Variants in DOC2B observed in about 807,000 individuals in gnomAD.
DOC2B encodes double C2 domain beta, also known as double C2-like domain-containing protein beta.
In DOC2B, 21 loss-of-function variants were observed where a neutral mutation model predicts 28.9. That is an observed-to-expected ratio of 0.73 (90% confidence interval 0.52 to 1.05). The LOEUF is 1.05. DOC2B is among the 50% of genes least tolerant of loss of function. The probability of loss-of-function intolerance (pLI) is 0.00; values close to 1 mark genes in which losing one functional copy is unlikely to be tolerated. For synonymous variants in DOC2B, 194 were observed against 178.1 expected (o/e 1.09, Z -0.71); for missense variants, 384 against 421.1 (o/e 0.91, Z 0.77).
intron 5 of DOC2B, 52 bp downstream of exon 5, chr17:161,363 A>G: frequency 6.5e-7 from 1 of 1,537,090 alleles, no homozygotes; most frequent in Non-Finnish European, 8.8e-7. Flanking sequence ...CTGCCTTCCC[A>G]GCACCTGCCA....
rs2040061632 is a variant in DOC2B at position 150,509 on chromosome 17, TGC to T, written c.924-1319_924-1318del. On this transcript the variant is annotated intron_variant, in intron 6 of 8. Coordinates refer to ENST00000613549, the MANE Select transcript of DOC2B (RefSeq NM_003585.5). Reference sequence around the variant, plus strand: ...GAAAGGCTGCATGGTTGACACACAGTGCCTGCGACAAAGCTGAATGCTATCAT... The same window carrying T: ...GAAAGGCTGCATGGTTGACACACAGTCTGCGACAAAGCTGAATGCTATCAT... Among the ~76,000 whole-genome samples the T allele has an allele frequency of 1.1e-4, 17 of 152,086 alleles. No individual in the cohort carries two copies. In the South Asian group the frequency reaches 3.5e-3, roughly 32 times the overall value.
intron 6 of DOC2B, among the ~76,000 whole-genome samples, chr17:152,484 C>T (rs1597815980): frequency 6.6e-6 from 1 of 152,218 alleles, no homozygotes; most frequent in Non-Finnish European, 1.5e-5. Flanking sequence ...AATAATGGTG[C>T]TAGCTGGGCA....
chr17:165,844 G>C (rs940905710), intron 2 of DOC2B, among the ~76,000 whole-genome samples: 4 of 152,376 alleles, frequency 2.6e-5, no homozygotes, highest in African/African-American at 9.6e-5. Context: ...TGACCAGGCG[G>C]TGCCTGACTG....
chr17:158,500 C>T (rs1026487599), intron 5 of DOC2B, among the ~76,000 whole-genome samples: 4 of 152,210 alleles, frequency 2.6e-5, no homozygotes, highest in Admixed American at 1.3e-4. Flanking sequence ...GGAAGACATA[C>T]ATGCCCCACC....
chr17:179,387 T>G (rs1555524946), intron 1 of DOC2B, among the ~76,000 whole-genome samples: 1 of 93,496 alleles, frequency 1.1e-5, no homozygotes, highest in Non-Finnish European at 2.2e-5. Flanking sequence ...GCTTTGTGGG[T>G]TCAGAGACAG....
chr17:165,556 G>A (rs190157677), intron 2 of DOC2B, among the ~76,000 whole-genome samples: 7 of 152,196 alleles, frequency 4.6e-5, no homozygotes, highest in Admixed American at 2.0e-4. Context: ...TGAGAGGGAG[G>A]GAGACTGTGT....
intron 7 of DOC2B, 29 bp downstream of exon 7, chr17:149,082 C>CTTCATT (rs2040045388): frequency 2.5e-6 from 1 of 398,926 alleles, no homozygotes; most frequent in African/African-American, 2.1e-5. Context: ...GAGGAATGGC[C>CTTCATT]TTCATGAAGC....
At chr17:173,304 T>C (rs375255880) in intron 1 of DOC2B, among the ~76,000 whole-genome samples, 5 of 152,230 alleles carry the variant, frequency 3.3e-5, no homozygotes, top group Admixed American at 6.5e-5. Context: ...ATAGCAGCTG[T>C]GGCTTTCCAT....
intron 5 of DOC2B, among the ~76,000 whole-genome samples, chr17:158,271 C>A (rs184940651): frequency 1.3e-5 from 2 of 152,110 alleles, no homozygotes; most frequent in Admixed American, 6.5e-5. Context: ...TCAGCCCCCC[C>A]AGACAAACCC....
intron 1 of DOC2B, 148 bp downstream of exon 1, chr17:180,959 C>G: frequency 1.6e-6 from 1 of 635,596 alleles, no homozygotes; most frequent in Non-Finnish European, 2.2e-6. Flanking sequence ...ACCGAGTGCG[C>G]CAGGGGCCCG....
At position 179,021 on chromosome 17, in the gene DOC2B, C is replaced by T. The variant is rs530633682; in HGVS notation, c.373+2086G>A. Among the ~76,000 whole-genome samples the T allele has an allele frequency of 2.1e-3, 313 of 152,356 alleles. 2 individuals carry two copies. The highest frequency in any genetic ancestry group is 7.3e-3 in the African/African-American group (303 of 41,588). ...CTTCTGGGCCTAGGATGTTTGTCAG[C>T]CTCCCATAGGATCCAAGCCTAGGGT... On this transcript the variant is annotated intron_variant, in intron 1 of 8. Coordinates refer to ENST00000613549, the MANE Select transcript of DOC2B (RefSeq NM_003585.5).
At chr17:158,855 G>A (rs547586011) in intron 5 of DOC2B, among the ~76,000 whole-genome samples, 1 of 152,190 alleles carries the variant, frequency 6.6e-6, no homozygotes, top group East Asian at 1.9e-4. Context: ...GACCAGCCTG[G>A]CCAACATGGT....
Position 164,076 on chromosome 17 carries a change from C to G in DOC2B, c.528+54G>C, listed in dbSNP as rs1036352768. On this transcript the variant is annotated intron_variant, in intron 3 of 8. Transcript: ENST00000613549. ...AAAGCAAAAGGACCAGAGTGCATTG[C>G]CTGAGGTGGTGGGCGGGTGCAGCTG... 1.7e-5 allele frequency: 24 copies of G among 1,402,846 alleles called. 1 individual carries two copies. The Admixed American group carries it at 4.5e-4, about 27-fold the overall frequency. 86.9% of individuals were successfully genotyped at this position (1,402,846 alleles called of 1,614,324 possible).
chr17:177,917 C>T (rs948438267), intron 1 of DOC2B, among the ~76,000 whole-genome samples: 11 of 152,252 alleles, frequency 7.2e-5, no homozygotes, highest in Non-Finnish European at 1.2e-4. Flanking sequence ...GGTCCTGACC[C>T]GGTCCTGGGT....
intron 6 of DOC2B, among the ~76,000 whole-genome samples, chr17:150,012 C>T (rs2151458130): frequency 6.6e-6 from 1 of 152,270 alleles, no homozygotes; most frequent in East Asian, 1.9e-4. Flanking sequence ...CCCTCCACAG[C>T]CACTAAGGCC....
In DOC2B at chr17:181,342, C is replaced by T; in HGVS notation, c.138G>A (p.Pro46=). 6 of 1,130,828 alleles carry T rather than the reference C, an allele frequency of 5.3e-6. No individual in the cohort carries two copies. Among genetic ancestry groups the T allele is most frequent in the Non-Finnish European group, 6.5e-6 (6 of 924,410 alleles). 70.0% of individuals were successfully genotyped at this position (1,130,828 alleles called of 1,614,324 possible). ...GTGCAGCGGCTCGGGGCCCGGCGTC[C>T]GGGGGCAGGCCCCGCGGGAAGCGGG... is the stretch of plus-strand genomic sequence containing the variant. ...YFPRFPRGLP[P]DAGPRAAAPP... The change falls in exon 1 of 9, where the codon CCG becomes CCA. Residue 46 remains proline (P), a synonymous_variant. Transcript: ENST00000613549. This position sits in a 1 kb window ranked among gnomAD's most constrained non-coding sequence, Gnocchi z 7.0.
chr17:164,250 G>T, intron 2 of DOC2B, 46 bp from the exon 3 acceptor site: 1 of 1,416,322 alleles, frequency 7.1e-7, no homozygotes, highest in Non-Finnish European at 9.8e-7. Context: ...TCGGGGACAT[G>T]GAACTGACAG....
At chr17:150,775 C>T (rs2040064284) in intron 6 of DOC2B, among the ~76,000 whole-genome samples, 1 of 152,208 alleles carries the variant, frequency 6.6e-6, no homozygotes. Context: ...ACCACACGCC[C>T]TTCAACTGGG....
chr17:168,822 C>G (rs2040278370), intron 2 of DOC2B, among the ~76,000 whole-genome samples: 1 of 152,226 alleles, frequency 6.6e-6, no homozygotes, highest in Admixed American at 6.5e-5. Context: ...GTGAGAAGTG[C>G]CTTTCACTTT....
Sources: allele counts gnomAD v4.1 joint callset (sites outside exome capture counted in the v4.1 genomes callset), GRCh38; gene constraint gnomAD v4.1.1; non-coding constraint Gnocchi (gnomAD v3.1); transcripts MANE v1.5; gene names NCBI Gene and HGNC (gene_info 2026-07-23, HGNC 2026-07-21).